Variants in PCDH9 observed in about 807,000 individuals in gnomAD.
PCDH9 encodes the protein protocadherin-9.
A neutral mutation model predicts 70.6 loss-of-function variants in PCDH9; 24 were observed. That is an observed-to-expected ratio of 0.34 (90% CI 0.25 to 0.48). PCDH9 has a LOEUF of 0.48. Ranked by LOEUF, PCDH9 falls within the 20% of genes least tolerant of loss-of-function variation. The pLI is 0.99. For missense variants in PCDH9, 1,281 were observed against 1,503.6 expected, an observed-to-expected ratio of 0.85 and a Z score of 2.45; for synonymous variants, 562 against 558.5, an observed-to-expected ratio of 1.01 and a Z score of -0.09.
intron 3 of PCDH9, among the ~76,000 whole-genome samples, chr13:66,663,546 ATGT>A (rs1487344303): frequency 1.3e-5 from 2 of 152,194 alleles, no homozygotes; most frequent in African/African-American, 4.8e-5. Context: ...ATGTTCTAAA[ATGT>A]TGTTAATTAT....
intron 2 of PCDH9, among the ~76,000 whole-genome samples, chr13:66,904,672 G>A (rs940033591): frequency 2.6e-5 from 4 of 151,746 alleles, no homozygotes; most frequent in South Asian, 4.1e-4. Context: ...CTATCTCAAA[G>A]TAAAATCTGT....
chr13:66,419,283 C>T (rs1229736149), intron 4 of PCDH9, among the ~76,000 whole-genome samples: 12 of 152,036 alleles, frequency 7.9e-5, no homozygotes, highest in Admixed American at 5.2e-4. Flanking sequence ...TGATGAACAT[C>T]AATGTGAAAT....
intron 2 of PCDH9, among the ~76,000 whole-genome samples, chr13:66,970,768 T>C (rs1281254194): frequency 6.6e-6 from 1 of 151,434 alleles, no homozygotes; most frequent in African/African-American, 2.4e-5. Flanking sequence ...GCAGTAGGAG[T>C]GTTTCTGGCA....
At chr13:66,518,053 G>A (rs928194022) in intron 4 of PCDH9, among the ~76,000 whole-genome samples, 5 of 151,990 alleles carry the variant, frequency 3.3e-5, no homozygotes, top group South Asian at 4.1e-4. Context: ...ACTGGTTCAC[G>A]GTTCTGCAGG....
intron 3 of PCDH9, among the ~76,000 whole-genome samples, chr13:66,693,942 G>A (rs962731106): frequency 3.9e-5 from 6 of 152,270 alleles, no homozygotes; most frequent in African/African-American, 1.4e-4. Context: ...CAACTATAAG[G>A]TTGAAATACA....
At chr13:67,214,013 T>A (rs1200233472) in intron 2 of PCDH9, 2 of 152,178 alleles carry the variant, frequency 1.3e-5, no homozygotes, top group Non-Finnish European at 2.9e-5. Context: ...ATCGTGATGG[T>A]TTCAGCTGTT....
chr13:66,471,813 G>C (rs1177655528), intron 4 of PCDH9, among the ~76,000 whole-genome samples: 1 of 152,144 alleles, frequency 6.6e-6, no homozygotes, highest in Non-Finnish European at 1.5e-5. Flanking sequence ...GAAGTATAAA[G>C]TAACAGAAGG....
chr13:66,530,355 G>T (rs1960399588), intron 4 of PCDH9, among the ~76,000 whole-genome samples: 1 of 151,986 alleles, frequency 6.6e-6, no homozygotes, highest in Non-Finnish European at 1.5e-5. Flanking sequence ...TGCTGACTTG[G>T]TAACATTTTA....
intron 4 of PCDH9, among the ~76,000 whole-genome samples, chr13:66,596,165 T>G (rs976625999): frequency 6.6e-6 from 1 of 151,628 alleles, no homozygotes; most frequent in East Asian, 1.9e-4. Context: ...AAAAATTGTC[T>G]TCCATGTTCT....
At chr13:66,762,884 T>A (rs2079651178) in intron 3 of PCDH9, among the ~76,000 whole-genome samples, 1 of 152,106 alleles carries the variant, frequency 6.6e-6, no homozygotes, top group Non-Finnish European at 1.5e-5. Context: ...TTAATTTATA[T>A]ACACAATGAA....
At chr13:66,524,568 A>C (rs1244869822) in intron 4 of PCDH9, among the ~76,000 whole-genome samples, 1 of 152,082 alleles carries the variant, frequency 6.6e-6, no homozygotes, top group Non-Finnish European at 1.5e-5. Context: ...GGGGGGTGTT[A>C]ATAATAACAT....
At chr13:67,080,600 G>A (rs976131836) in intron 2 of PCDH9, among the ~76,000 whole-genome samples, 4 of 152,190 alleles carry the variant, frequency 2.6e-5, no homozygotes, top group African/African-American at 9.7e-5. Context: ...ATGTGATGCT[G>A]TTTACTGGTA....
In PCDH9 at chr13:66,371,587, A is replaced by G. The variant is rs548543780; in HGVS notation, c.3341-66559T>C. Among the ~76,000 whole-genome samples, 12 of 152,182 alleles carry G rather than the reference A, an allele frequency of 7.9e-5. No homozygotes were observed. In the South Asian group the frequency reaches 2.1e-3, roughly 26 times the overall value. On this transcript the variant is annotated intron_variant, in intron 4 of 4. Transcript: ENST00000377865. ...ATGTGTCCTTTTGCACCAACTAACT[A>G]CAACAAAACTCCTTAAAATTTATTT...
chr13:66,859,155 C>G (rs1352789320), intron 3 of PCDH9: 1 of 152,168 alleles, frequency 6.6e-6, no homozygotes, highest in African/African-American at 2.4e-5. Flanking sequence ...CAACAAATGG[C>G]TGTCATGTTA....
At chr13:66,454,464 T>C (rs111848465) in intron 4 of PCDH9, among the ~76,000 whole-genome samples, 14 of 152,306 alleles carry the variant, frequency 9.2e-5, no homozygotes, top group African/African-American at 3.4e-4. Flanking sequence ...TCTCCAATCA[T>C]AGGGAATATG....
chr13:67,195,245 A>C (rs1184066714), intron 2 of PCDH9, among the ~76,000 whole-genome samples: 1 of 151,634 alleles, frequency 6.6e-6, no homozygotes. Context: ...TCCCAGGTTC[A>C]TGCCATTCTC....
intron 4 of PCDH9, among the ~76,000 whole-genome samples, chr13:66,385,443 G>A (rs184252031): frequency 1.3e-5 from 2 of 151,992 alleles, no homozygotes; most frequent in African/African-American, 2.4e-5. Context: ...CGTCTAGCCC[G>A]CCCTATCCTC....
intron 3 of PCDH9, among the ~76,000 whole-genome samples, chr13:66,754,137 A>G (rs1281829714): frequency 1.3e-5 from 2 of 152,042 alleles, no homozygotes; most frequent in African/African-American, 4.8e-5. Context: ...AAAACCAAAC[A>G]CTGCATGTTC....
intron 4 of PCDH9, among the ~76,000 whole-genome samples, chr13:66,581,351 T>C (rs2076889392): frequency 6.6e-6 from 1 of 152,158 alleles, no homozygotes; most frequent in South Asian, 2.1e-4. Flanking sequence ...AACCAGACCA[T>C]ATTTTGCTAT....
Sources: allele counts gnomAD v4.1 joint callset (sites outside exome capture counted in the v4.1 genomes callset), GRCh38; gene constraint gnomAD v4.1.1; transcripts MANE v1.5; gene names NCBI Gene and HGNC (gene_info 2026-07-23, HGNC 2026-07-21).